The following ABI1 variants were observed in gnomAD, a reference collection of about 807,000 sequenced individuals.
ABI1 encodes the protein Abelson interactor 1.
ABI1 carries 14 observed loss-of-function variants against 54.6 expected under a neutral mutation model. That is an observed-to-expected ratio of 0.26 (90% CI 0.17 to 0.40). The LOEUF is 0.40. Ranked by LOEUF, ABI1 falls within the 10% of genes least tolerant of loss-of-function variation. The pLI is 1.00. For synonymous variants in ABI1, 194 were observed against 209.3 expected (o/e 0.93, Z 0.63); for missense variants, 443 against 598.3 (o/e 0.74, Z 2.71).
chr10:26,788,781 C>T (rs1227773103), intron 2 of ABI1, among the ~76,000 whole-genome samples: 4 of 151,870 alleles, frequency 2.6e-5, no homozygotes, highest in African/African-American at 9.7e-5. Flanking sequence ...GCGTGGTTGG[C>T]GGACGCCTGT....
intron 2 of ABI1, among the ~76,000 whole-genome samples, chr10:26,818,781 G>A (rs188080935): frequency 1.3e-3 from 204 of 152,180 alleles, no homozygotes; most frequent in African/African-American, 4.4e-3. Flanking sequence ...CACGAGGTCA[G>A]GGGTTCAAGA....
At chr10:26,771,124 G>A (rs951451505) in intron 3 of ABI1, 35 bp from the exon 4 acceptor site, 1 of 1,611,504 alleles carries the variant, frequency 6.2e-7, no homozygotes, top group Non-Finnish European at 8.5e-7. Flanking sequence ...GGAAAAAGTA[G>A]ACATTAATGC....
Position 26,857,643 on chromosome 10 carries a change from CA to C in ABI1, c.117+3103del, listed in dbSNP as rs372472533. Among the ~76,000 whole-genome samples the C allele has an allele frequency of 8.5e-3, 715 of 84,470 alleles. 3 individuals carry two copies. Among genetic ancestry groups the C allele is most frequent in the Admixed American group, 0.017 (127 of 7,606 alleles). The allele number at this position is 84,470 out of a possible 152,430, so 55.4% of individuals were successfully genotyped here. The stretch of plus-strand genomic sequence containing the variant: ...TGAGCAACAGAGCAAGACTGTGTCT[CA>C]AAAAAAAAAAAAAAAAAACTTTCTA... On this transcript the variant is annotated intron_variant, in intron 1 of 10. Transcript: ENST00000376140.
intron 6 of ABI1, among the ~76,000 whole-genome samples, chr10:26,767,534 G>A (rs1176846491): frequency 6.6e-6 from 1 of 152,124 alleles, no homozygotes; most frequent in Non-Finnish European, 1.5e-5. Context: ...GCTATATTTT[G>A]GGGGAAGAAG....
intron 1 of ABI1, among the ~76,000 whole-genome samples, chr10:26,858,971 T>C (rs1429466264): frequency 6.6e-6 from 1 of 152,218 alleles, no homozygotes; most frequent in Non-Finnish European, 1.5e-5. Context: ...TACTGTGCTC[T>C]CCTTTTGGCT....
intron 1 of ABI1, among the ~76,000 whole-genome samples, chr10:26,852,218 G>A (rs564715217): frequency 1.3e-5 from 2 of 152,242 alleles, no homozygotes; most frequent in South Asian, 2.1e-4. Context: ...GGTGGCTCAC[G>A]CCTGTAATCC....
chr10:26,856,433 C>CAA (rs58195958), intron 1 of ABI1, among the ~76,000 whole-genome samples: 6,269 of 57,698 alleles, frequency 0.11, 1,163 homozygotes, highest in Non-Finnish European at 0.13. Context: ...ATCTGTTACT[C>CAA]AAAAAAAAAA....
chr10:26,851,629 A>G (rs2050402388), intron 1 of ABI1, among the ~76,000 whole-genome samples: 1 of 152,136 alleles, frequency 6.6e-6, no homozygotes, highest in African/African-American at 2.4e-5. Flanking sequence ...TTCAGTAAAG[A>G]GAGGAGGTAT....
intron 2 of ABI1, among the ~76,000 whole-genome samples, chr10:26,814,933 TCAAA>T (rs527940013): frequency 4.6e-5 from 7 of 152,182 alleles, no homozygotes; most frequent in South Asian, 2.1e-4. Context: ...AACTGAAAAC[TCAAA>T]CAAGCTCTGA....
At chr10:26,859,683 A>T (rs114908882) in intron 1 of ABI1, among the ~76,000 whole-genome samples, 1,844 of 152,310 alleles carry the variant, frequency 0.012, 46 homozygotes, top group African/African-American at 0.042. Context: ...GAGTTTTCTA[A>T]TTTACAATAA....
intron 7 of ABI1, among the ~76,000 whole-genome samples, chr10:26,762,235 C>T (rs944823440): frequency 6.6e-6 from 1 of 152,134 alleles, no homozygotes; most frequent in Non-Finnish European, 1.5e-5. Flanking sequence ...TCTTGAACTC[C>T]TGGATCAAGC....
intron 6 of ABI1, 78 bp from the exon 7 acceptor site, chr10:26,765,396 C>T (rs1839815563): frequency 1.0e-6 from 1 of 962,072 alleles, no homozygotes. Flanking sequence ...CCCAAGGCCA[C>T]TAAATACTCC....
At chr10:26,784,806 G>T (rs866966244) in intron 2 of ABI1, among the ~76,000 whole-genome samples, 1 of 152,180 alleles carries the variant, frequency 6.6e-6, no homozygotes, top group Non-Finnish European at 1.5e-5. Flanking sequence ...ATTCAGGACG[G>T]TCTAAAATCA....
chr10:26,780,994 T>A (rs931002838), intron 2 of ABI1, among the ~76,000 whole-genome samples: 19 of 152,222 alleles, frequency 1.2e-4, no homozygotes, highest in Non-Finnish European at 2.2e-4. Flanking sequence ...TGAGGGCTCA[T>A]AAGCTCCAGG....
intron 1 of ABI1, among the ~76,000 whole-genome samples, chr10:26,827,368 C>T (rs2048370330): frequency 6.6e-6 from 1 of 151,192 alleles, no homozygotes; most frequent in Admixed American, 6.6e-5. Flanking sequence ...ACTATAGGTG[C>T]CTGCCACCAC....
At chr10:26,855,187 A>C (rs1331931715) in intron 1 of ABI1, among the ~76,000 whole-genome samples, 2 of 152,262 alleles carry the variant, frequency 1.3e-5, no homozygotes, top group Non-Finnish European at 2.9e-5. Flanking sequence ...TGAACACTTC[A>C]AATGCCAAAG....
At chr10:26,770,817 CG>C (rs1207268969) in intron 4 of ABI1, among the ~76,000 whole-genome samples, 1 of 152,050 alleles carries the variant, frequency 6.6e-6, no homozygotes, top group Non-Finnish European at 1.5e-5. Flanking sequence ...AGGCAACTAT[CG>C]AAAAATGAGC....
chr10:26,803,132 C>A (rs2046668373), intron 2 of ABI1, among the ~76,000 whole-genome samples: 1 of 152,074 alleles, frequency 6.6e-6, no homozygotes, highest in African/African-American at 2.4e-5. Context: ...ATAGGGGAGA[C>A]AGACATTCCA....
chr10:26,798,210 C>T (rs1844434711), intron 2 of ABI1, among the ~76,000 whole-genome samples: 1 of 151,978 alleles, frequency 6.6e-6, no homozygotes, highest in Non-Finnish European at 1.5e-5. Flanking sequence ...AATTAAAATA[C>T]CCTTTGGGCT....
Sources: allele counts gnomAD v4.1 joint callset (sites outside exome capture counted in the v4.1 genomes callset), GRCh38; gene constraint gnomAD v4.1.1; transcripts MANE v1.5; gene names NCBI Gene and HGNC (gene_info 2026-07-23, HGNC 2026-07-21).